SOX5: variants seen among roughly 807,000 people sequenced by gnomAD.
SOX5 encodes the protein transcription factor SOX-5.
A neutral mutation model predicts 92.0 loss-of-function variants in SOX5; 9 were observed. The ratio of observed to expected loss-of-function variants is 0.10; its 90% CI spans 0.06 to 0.17. The LOEUF (loss-of-function observed/expected upper bound fraction) is 0.17. Among genes scored for constraint, SOX5 ranks in the 10% least tolerant of loss-of-function variants. The probability of loss-of-function intolerance (pLI) is 1.00; values close to 1 mark genes in which losing one functional copy is unlikely to be tolerated. For synonymous variants in SOX5, 344 were observed against 336.3 expected (o/e 1.02, Z -0.25); for missense variants, 642 against 944.5 (o/e 0.68, Z 4.20).
intron 10 of SOX5, among the ~76,000 whole-genome samples, chr12:23,569,539 C>G (rs1229129467): frequency 6.6e-6 from 1 of 152,168 alleles, no homozygotes; most frequent in Non-Finnish European, 1.5e-5. Flanking sequence ...AACTCTTTCA[C>G]AAGGCCTAAG....
chr12:24,219,989 T>A lies in SOX5; in HGVS notation c.-76-6572A>T, dbSNP rs189689144. On this transcript the variant is annotated intron_variant, in intron 3 of 4. Coordinates refer to the SOX5 transcript ENST00000446891. The stretch of plus-strand genomic sequence containing the variant: ...AGCCTTAGTTTCCTCATCTTTAAAG[T>A]GATGATTAATTGAACTAATGGCTTA... Among the ~76,000 whole-genome samples the A allele has an allele frequency of 3.9e-5, 6 of 152,266 alleles. No individual in the cohort carries two copies. The East Asian group carries it at 1.2e-3, about 29-fold the overall frequency.
At chr12:24,016,838 T>TG (rs1318420334) in intron 4 of SOX5, among the ~76,000 whole-genome samples, 1 of 152,190 alleles carries the variant, frequency 6.6e-6, no homozygotes, top group Non-Finnish European at 1.5e-5. Context: ...AGGATTAGTG[T>TG]GGTCATAGTT....
rs781594277 is a variant in SOX5, at chr12:24,316,696, C to T, written c.-173-39384G>A. On this transcript the variant is annotated intron_variant, in intron 2 of 4. Transcript: ENST00000446891. ...CCAACTATATTTAAATTCCACATGT[C>T]GTTTCAAAATGTATTTAGAGAGAAA... Among the ~76,000 whole-genome samples the T allele has an allele frequency of 9.6e-4, 146 of 152,034 alleles. 4 individuals are homozygous for T. The highest frequency in any genetic ancestry group is 2.9e-4 in the Non-Finnish European group (20 of 67,998).
chr12:23,896,066 T>C (rs898771828), intron 1 of SOX5, 42 bp from the exon 2 acceptor site: 5 of 1,343,542 alleles, frequency 3.7e-6, no homozygotes, highest in Non-Finnish European at 5.3e-6. Context: ...AACCTCCACA[T>C]AAATCCTTAA....
intron 1 of SOX5, among the ~76,000 whole-genome samples, chr12:24,542,062 T>A (rs1597774653): frequency 6.6e-6 from 1 of 152,318 alleles, no homozygotes; most frequent in African/African-American, 2.4e-5. Context: ...TTGAATCTTT[T>A]AATTACTCTC....
chr12:24,021,732 G>A (rs1359271741), intron 4 of SOX5, among the ~76,000 whole-genome samples: 3 of 152,154 alleles, frequency 2.0e-5, no homozygotes, highest in Non-Finnish European at 2.9e-5. Flanking sequence ...AGTGCTTAAC[G>A]AAGTACGCTT....
rs374056713 is a variant in SOX5, at chr12:23,971,028, T to A, written c.-1-75004A>T. Among the ~76,000 whole-genome samples the A allele has an allele frequency of 1.2e-4, 18 of 147,970 alleles. 1 individual carries two copies. The East Asian group carries it at 1.8e-3, about 15-fold the overall frequency. On this transcript the variant is annotated intron_variant, in intron 4 of 4. Coordinates refer to the SOX5 transcript ENST00000446891. ...CCATAGCATTCCTACCTGAAATGTA[T>A]GAGGGCTCCAATTTCACTATATGCT... is the stretch of plus-strand genomic sequence containing the variant.
At chr12:23,912,699 C>A (rs575275264) in intron 1 of SOX5, among the ~76,000 whole-genome samples, 7 of 152,174 alleles carry the variant, frequency 4.6e-5, no homozygotes, top group African/African-American at 1.7e-4. Context: ...AACTGATGAA[C>A]CTTGAAAACA....
At chr12:23,554,491 A>C (rs1309145611) in intron 11 of SOX5, among the ~76,000 whole-genome samples, 2 of 152,144 alleles carry the variant, frequency 1.3e-5, no homozygotes, top group Non-Finnish European at 2.9e-5. Flanking sequence ...TTGAGCTGTA[A>C]GACTTCAATT....
intron 4 of SOX5, among the ~76,000 whole-genome samples, chr12:24,031,965 T>C (rs550897928): frequency 3.9e-5 from 6 of 152,066 alleles, no homozygotes; most frequent in Admixed American, 2.0e-4. Flanking sequence ...ACAAGGATTA[T>C]AGCAGAGAAA....
At chr12:24,154,044 G>A (rs191233031) in intron 4 of SOX5, among the ~76,000 whole-genome samples, 194 of 152,098 alleles carry the variant, frequency 1.3e-3, no homozygotes, top group Middle Eastern at 3.4e-3. Flanking sequence ...CAGGACCAGC[G>A]TCAGCACCAC....
chr12:24,205,265 C>T (rs1186875419), intron 4 of SOX5, among the ~76,000 whole-genome samples: 2 of 152,164 alleles, frequency 1.3e-5, no homozygotes, highest in Non-Finnish European at 2.9e-5. Flanking sequence ...CTTATCCCAA[C>T]TCCTAGCACA....
intron 1 of SOX5, among the ~76,000 whole-genome samples, chr12:24,482,875 C>T (rs1197438810): frequency 6.6e-6 from 1 of 152,138 alleles, no homozygotes; most frequent in Admixed American, 6.5e-5. Flanking sequence ...ATGTATGTTA[C>T]TTATGTCAAT....
intron 2 of SOX5, among the ~76,000 whole-genome samples, chr12:23,872,368 A>C (rs1384372093): frequency 6.6e-6 from 1 of 151,402 alleles, no homozygotes; most frequent in Admixed American, 6.6e-5. Context: ...CCATACCTTC[A>C]ACTTACTGAC....
At chr12:24,370,754 T>C (rs1956659030) in intron 1 of SOX5, among the ~76,000 whole-genome samples, 1 of 152,126 alleles carries the variant, frequency 6.6e-6, no homozygotes, top group South Asian at 2.1e-4. Context: ...ATCGTGCCAT[T>C]GTACTCCAGC....
At position 23,720,181 on chromosome 12, in the gene SOX5, T is replaced by C. The variant is rs577174247; in HGVS notation, c.810+14503A>G. The stretch of plus-strand genomic sequence containing the variant: ...CTGTTACAGCACAAAACAGAAAGAA[T>C]TTTTTAAAACAATAGGAAACTAAGA... On this transcript the variant is annotated intron_variant, in intron 6 of 14. Coordinates refer to ENST00000451604, the MANE Select transcript of SOX5 (RefSeq NM_006940.6). Among the ~76,000 whole-genome samples, 22 of 152,062 alleles carry C rather than the reference T, an allele frequency of 1.4e-4. No individual in the cohort carries two copies. In the South Asian group the frequency reaches 4.6e-3, roughly 32 times the overall value.
chr12:24,543,754 T>C (rs1952358188), intron 1 of SOX5, among the ~76,000 whole-genome samples: 1 of 152,132 alleles, frequency 6.6e-6, no homozygotes, highest in Admixed American at 6.5e-5. Context: ...CAAGTAAGGA[T>C]GGAGTTACTT....
intron 5 of SOX5, among the ~76,000 whole-genome samples, chr12:23,736,043 A>C (rs1280461861): frequency 6.6e-6 from 1 of 152,156 alleles, no homozygotes; most frequent in African/African-American, 2.4e-5. Flanking sequence ...TGAAAACTGT[A>C]AACATTTCAT....
intron 1 of SOX5, among the ~76,000 whole-genome samples, chr12:24,423,062 G>T (rs923267506): frequency 3.3e-5 from 5 of 152,182 alleles, no homozygotes; most frequent in African/African-American, 1.2e-4. Context: ...ATTGTGAATT[G>T]TTTGAAAATG....
Sources: gnomAD v4.1 joint callset for allele counts (sites outside exome capture counted in the v4.1 genomes callset) on GRCh38, gnomAD v4.1.1 for gene constraint, MANE v1.5 for transcripts, NCBI Gene and HGNC (gene_info 2026-07-23, HGNC 2026-07-21) for gene names.